CTNNAL1: variants seen among roughly 807,000 people sequenced by gnomAD.
The protein encoded by CTNNAL1 is alpha-catulin.
Under a neutral mutation model 93.6 loss-of-function variants are expected in CTNNAL1, and 69 were observed. The observed-to-expected ratio is 0.74, with a 90% CI of 0.61 to 0.90. CTNNAL1 has a LOEUF of 0.90. Among genes scored for constraint, CTNNAL1 ranks in the 40% least tolerant of loss-of-function variants. CTNNAL1 has a pLI of 0.00. For missense variants in CTNNAL1, 836 were observed against 862.0 expected (o/e 0.97, Z 0.38); for synonymous variants, 286 against 305.4 (o/e 0.94, Z 0.66).
intron 10 of CTNNAL1, among the ~76,000 whole-genome samples, chr9:108,968,917 T>C (rs1480958536): frequency 6.6e-6 from 1 of 151,650 alleles, no homozygotes; most frequent in Non-Finnish European, 1.5e-5. Context: ...ATATAAATAA[T>C]ATTTAAAAAA....
At chr9:108,950,891 T>A (rs940388640) in intron 14 of CTNNAL1, 3 of 304,522 alleles carry the variant, frequency 9.9e-6, no homozygotes, top group Non-Finnish European at 1.8e-5. Flanking sequence ...CCTATGGACA[T>A]AAAGTACTTT....
rs541656493 is a variant in CTNNAL1 at position 108,979,212 on chromosome 9, C to T, written c.1101+69G>A. 1.0e-5 allele frequency: 16 copies of T among 1,570,256 alleles called. No homozygotes were observed. In the East Asian group the frequency reaches 3.4e-4, roughly 33 times the overall value. ...ATACTCCTGGTGATTATGTAACTTC[C>T]ATATCTTGCAAAACTTTATGGGAAA... On this transcript the variant is annotated intron_variant, in intron 7 of 18. Transcript: ENST00000325551.
intron 2 of CTNNAL1, among the ~76,000 whole-genome samples, chr9:108,997,424 A>C (rs1832064164): frequency 6.6e-6 from 1 of 152,244 alleles, no homozygotes; most frequent in South Asian, 2.1e-4. Flanking sequence ...TCTATCTAAC[A>C]TAAAAGATCT....
At chr9:108,968,961 A>G (rs1831033238) in intron 10 of CTNNAL1, among the ~76,000 whole-genome samples, 1 of 152,078 alleles carries the variant, frequency 6.6e-6, no homozygotes, top group African/African-American at 2.4e-5. Context: ...ACGTTATTTT[A>G]GAGCTTAGAC....
intron 9 of CTNNAL1, among the ~76,000 whole-genome samples, chr9:108,970,722 T>C (rs1831089458): frequency 6.6e-6 from 1 of 152,082 alleles, no homozygotes; most frequent in South Asian, 2.1e-4. Flanking sequence ...CTACTTCCTA[T>C]CCAATCATGG....
Position 108,942,785 on chromosome 9 carries a change from A to G in CTNNAL1, c.2189T>C (p.Met730Thr), listed in dbSNP as rs1284362271. The change falls in exon 19 of 19, where the codon ATG becomes ACG. Residue 730 changes from methionine (M) to threonine (T), a missense_variant. Physicochemically the swap from Met to Thr is moderately conservative, Grantham distance 81. Transcript: ENST00000325551. ...GWVSVTNKDTMDSKT is the reference protein window; with the variant it reads ...GWVSVTNKDTTDSKT ...AAAAGCTTCTCAAGTTTTACTATCC[A>G]TAGTGTCCTTATTTGTAACTGAGAC... is the stretch of plus-strand genomic sequence containing the variant. 4 of 1,611,690 alleles carry G rather than the reference A, an allele frequency of 2.5e-6. No individual in the cohort carries two copies. The highest frequency in any genetic ancestry group is 2.2e-5 in the East Asian group (1 of 44,814).
At chr9:109,011,492 C>A (rs1827202186) in intron 1 of CTNNAL1, among the ~76,000 whole-genome samples, 1 of 152,344 alleles carries the variant, frequency 6.6e-6, no homozygotes, top group African/African-American at 2.4e-5. Flanking sequence ...CCCAGAGTTA[C>A]ACAATGCAGA....
chr9:108,984,727 T>TTC (rs1831550487), intron 4 of CTNNAL1, among the ~76,000 whole-genome samples: 2 of 152,190 alleles, frequency 1.3e-5, no homozygotes, highest in Admixed American at 1.3e-4. Flanking sequence ...ATACCTGACA[T>TTC]TCTCACGTCA....
rs538286674 is a variant in CTNNAL1, at chr9:108,992,132, A to G, written c.519+500T>C. 1.3e-4 allele frequency: 90 copies of G among 719,748 alleles called. No individual in the cohort carries two copies. In the East Asian group the frequency reaches 2.2e-3, roughly 18 times the overall value. 44.6% of individuals were successfully genotyped at this position (719,748 alleles called of 1,614,324 possible). On this transcript the variant is annotated intron_variant, in intron 3 of 18. Transcript: ENST00000325551. Reference sequence around the variant, plus strand: ...TTTTTATCAACTAGGTTTCTGCTACATACATTATCATAGTGCTCACCTTTT... The same window carrying G: ...TTTTTATCAACTAGGTTTCTGCTACGTACATTATCATAGTGCTCACCTTTT...
intron 8 of CTNNAL1, among the ~76,000 whole-genome samples, chr9:108,976,475 G>A (rs539817923): frequency 6.2e-4 from 95 of 152,030 alleles, no homozygotes; most frequent in Non-Finnish European, 1.1e-3. Context: ...CAAGCTTTGA[G>A]AATGATGGCA....
intron 2 of CTNNAL1, among the ~76,000 whole-genome samples, chr9:108,994,320 G>A (rs1437461655): frequency 6.6e-6 from 1 of 152,096 alleles, no homozygotes; most frequent in Non-Finnish European, 1.5e-5. Flanking sequence ...ATCAATTGTG[G>A]GTGTGAAATA....
intron 10 of CTNNAL1, among the ~76,000 whole-genome samples, chr9:108,967,736 A>G (rs944775886): frequency 1.3e-5 from 2 of 152,154 alleles, no homozygotes; most frequent in Non-Finnish European, 2.9e-5. Context: ...GGAGTGTTCA[A>G]GGAACAGCAA....
chr9:108,994,394 A>G (rs147762404), intron 2 of CTNNAL1, among the ~76,000 whole-genome samples: 108 of 152,334 alleles, frequency 7.1e-4, no homozygotes, highest in African/African-American at 2.5e-3. Flanking sequence ...AAACATTAAG[A>G]AAACACAAAA....
At chr9:109,001,322 G>A (rs527962482) in intron 1 of CTNNAL1, among the ~76,000 whole-genome samples, 13 of 152,158 alleles carry the variant, frequency 8.5e-5, no homozygotes, top group South Asian at 4.1e-4. Context: ...TATAATCTCC[G>A]CAGTGGTTTG....
At chr9:108,982,263 A>C (rs1419764899) in intron 6 of CTNNAL1, among the ~76,000 whole-genome samples, 1 of 152,204 alleles carries the variant, frequency 6.6e-6, no homozygotes, top group Non-Finnish European at 1.5e-5. Flanking sequence ...GCTCCTCAAC[A>C]GTGTAATGGA....
intron 6 of CTNNAL1, among the ~76,000 whole-genome samples, chr9:108,981,012 A>T (rs1452161981): frequency 6.6e-6 from 1 of 152,240 alleles, no homozygotes; most frequent in African/African-American, 2.4e-5. Flanking sequence ...AAGATGCCAA[A>T]GAGATAATCA....
chr9:108,988,162 C>A (rs954223532), intron 4 of CTNNAL1, among the ~76,000 whole-genome samples: 2 of 152,188 alleles, frequency 1.3e-5, no homozygotes, highest in African/African-American at 4.8e-5. Context: ...CAGCTCACTG[C>A]AGCCTCTGCT....
chr9:108,953,019 A>T (rs557662482), intron 12 of CTNNAL1, among the ~76,000 whole-genome samples: 26 of 152,346 alleles, frequency 1.7e-4, no homozygotes, highest in Non-Finnish European at 3.4e-4. Context: ...AGCTTCATAG[A>T]TATCACAACT....
intron 1 of CTNNAL1, among the ~76,000 whole-genome samples, chr9:109,004,806 T>A (rs1437477428): frequency 6.6e-6 from 1 of 151,632 alleles, no homozygotes; most frequent in Non-Finnish European, 1.5e-5. Flanking sequence ...AATAAATAAA[T>A]AAATAAATAA....
Sources: allele counts gnomAD v4.1 joint callset (sites outside exome capture counted in the v4.1 genomes callset), GRCh38; gene constraint gnomAD v4.1.1; transcripts MANE v1.5; gene names NCBI Gene and HGNC (gene_info 2026-07-23, HGNC 2026-07-21).